The following CD34 variants were observed in gnomAD, a reference collection of about 807,000 sequenced individuals.
CD34 encodes hematopoietic progenitor cell antigen CD34.
In CD34, 34 loss-of-function variants were observed where a neutral mutation model predicts 40.1. The ratio of observed to expected loss-of-function variants is 0.85; its 90% CI spans 0.65 to 1.13. The LOEUF is 1.13. Among genes scored for constraint, CD34 ranks in the 50% most tolerant of loss-of-function variants. CD34 has a pLI of 0.00. For missense variants in CD34, 426 were observed against 466.9 expected (o/e 0.91, Z 0.81); for synonymous variants, 209 against 190.0 (o/e 1.10, Z -0.82).
intron 4 of CD34, chr1:207,889,871 T>C: frequency 6.4e-7 from 1 of 1,554,794 alleles, no homozygotes; most frequent in Non-Finnish European, 8.6e-7. Context: ...GAGAACAAAC[T>C]TAAAAAAATT....
chr1:207,894,618 T>C (rs776135090), intron 4 of CD34, among the ~76,000 whole-genome samples: 1 of 152,162 alleles, frequency 6.6e-6, no homozygotes, highest in Non-Finnish European at 1.5e-5. Flanking sequence ...TAAAGTAATC[T>C]TACATTTTGG....
At chr1:207,903,338 A>G (rs1662315539) in intron 1 of CD34, among the ~76,000 whole-genome samples, 1 of 152,178 alleles carries the variant, frequency 6.6e-6, no homozygotes, top group Admixed American at 6.5e-5. Context: ...GCAGGAGCCT[A>G]CCAGTCAGTG....
rs1387474133 is a variant in CD34 at position 207,884,978 on chromosome 1, G to A, written c.*2760C>T. On this transcript the variant is annotated 3_prime_UTR_variant, in exon 8 of 8. Coordinates refer to ENST00000310833, the MANE Select transcript of CD34 (RefSeq NM_001025109.2). ...CGGCAGAAGAGTAGGATGATATGAT[G>A]GAAGGGAAAACTACAGATTCAGGAC... 7 of 152,192 alleles carry A rather than the reference G, an allele frequency of 4.6e-5. No individual in the cohort carries two copies. Among genetic ancestry groups the A allele is most frequent in the African/African-American group, 1.4e-4 (6 of 41,440 alleles). The allele number at this position is 152,192 out of a possible 1,614,324, so 9.4% of individuals were successfully genotyped here.
chr1:207,905,215 A>C (rs1932817), intron 1 of CD34, among the ~76,000 whole-genome samples: 18,540 of 152,226 alleles, frequency 0.12, 1,194 homozygotes, highest in Admixed American at 0.18. Context: ...GGCTGGCTGC[A>C]ACCACTGCCT....
intron 5 of CD34, 37 bp from the exon 6 acceptor site, chr1:207,889,250 A>C (rs1302678198): frequency 6.2e-7 from 1 of 1,613,910 alleles, no homozygotes; most frequent in African/African-American, 1.3e-5. Flanking sequence ...ATCTAAAGAG[A>C]AACCAGCTTA....
Position 207,887,766 on chromosome 1 carries a change from T to A in CD34, c.1130A>T (p.Gln377Leu). Residue 377 changes from glutamine to leucine, a missense_variant, in exon 8 of 8, where the codon CAA (glutamine) becomes CTA (leucine). Physicochemically the swap from Gln to Leu is moderately radical, Grantham distance 113. Transcript: ENST00000310833. ...ATSRNGHSAR[Q>L]HVVADTEL The stretch of plus-strand genomic sequence containing the variant: ...CAATTCGGTATCAGCCACCACGTGT[T>A]GTCTTGCTGAATGGCCGTTTCTGGA... The A allele has an allele frequency of 6.2e-7, 1 of 1,614,104 alleles. No homozygotes were observed. The highest frequency in any genetic ancestry group is 2.2e-5 in the East Asian group (1 of 44,880).
intron 4 of CD34, among the ~76,000 whole-genome samples, chr1:207,891,076 T>C (rs1662023048): frequency 6.6e-6 from 1 of 151,768 alleles, no homozygotes; most frequent in African/African-American, 2.4e-5. Context: ...GTTTCTTGCC[T>C]GGATGACTCT....
At chr1:207,906,214 G>A (rs1482269663) in intron 1 of CD34, among the ~76,000 whole-genome samples, 1 of 152,128 alleles carries the variant, frequency 6.6e-6, no homozygotes, top group Non-Finnish European at 1.5e-5. Context: ...CCAAAGAATA[G>A]AATTAGAACT....
chr1:207,899,855 A>G lies in CD34; in HGVS notation c.228T>C (p.Ser76=). The change falls in exon 2 of 8, where the codon TCT becomes TCC. Residue 76 remains serine, a synonymous_variant. Coordinates refer to ENST00000310833, the MANE Select transcript of CD34 (RefSeq NM_001025109.2). ...TTGTTGTGGCCTCATTGCCATGTTGAGACACAGGGTGCAGGCTGGTACTTC... is the reference window on the plus strand; with the variant it reads ...TTGTTGTGGCCTCATTGCCATGTTGGGACACAGGGTGCAGGCTGGTACTTC... ...TLGSTSLHPV[S]QHGNEATTNI... is the part of the protein sequence containing the mutation. 2 of 1,612,928 alleles carry G rather than the reference A, an allele frequency of 1.2e-6. No individual in the cohort carries two copies. Among genetic ancestry groups the G allele is most frequent in the East Asian group, 2.2e-5 (1 of 44,842 alleles).
At chr1:207,896,755 GA>G (rs1470608417) in intron 4 of CD34, among the ~76,000 whole-genome samples, 2 of 150,864 alleles carry the variant, frequency 1.3e-5, no homozygotes, top group Non-Finnish European at 3.0e-5. Flanking sequence ...TTTTCAAAAA[GA>G]AAAAAATAAT....
intron 4 of CD34, among the ~76,000 whole-genome samples, chr1:207,896,086 A>T (rs1662144966): frequency 6.6e-6 from 1 of 152,214 alleles, no homozygotes; most frequent in Non-Finnish European, 1.5e-5. Flanking sequence ...ATCGTAGTAA[A>T]ACTACCGAGT....
chr1:207,892,560 T>A (rs1274410183), intron 4 of CD34, among the ~76,000 whole-genome samples: 2 of 151,072 alleles, frequency 1.3e-5, no homozygotes, highest in African/African-American at 4.9e-5. Context: ...CACTCCGGCC[T>A]GGGCAACAGA....
rs1661839720 is a variant in CD34 at position 207,883,317 on chromosome 1, T to A, written c.*4421A>T. The A allele has an allele frequency of 6.6e-6, 1 of 152,242 alleles. No individual in the cohort carries two copies. Among genetic ancestry groups the A allele is most frequent in the African/African-American group, 2.4e-5 (1 of 41,454 alleles). 9.4% of individuals were successfully genotyped at this position (152,242 alleles called of 1,614,324 possible). On this transcript the variant is annotated 3_prime_UTR_variant, in exon 8 of 8. Transcript: ENST00000310833. The stretch of plus-strand genomic sequence containing the variant: ...ATTACTATCATCAAAATCGTATTCA[T>A]TTTTACAGGACCCACTCAGAAACCA...
At position 207,889,629 on chromosome 1, in the gene CD34, G is replaced by A. The variant is rs1661987692; in HGVS notation, c.598-8C>T. On this transcript the variant is annotated splice_polypyrimidine_tract_variant and splice_region_variant and intron_variant, in intron 4 of 7. Transcript: ENST00000310833. Reference sequence around the variant, plus strand: ...GTCCTTCTTAAACTCCGCCTGGGAAGACAGAGAAACATGGAGAGCAAGAGA... The same window carrying A: ...GTCCTTCTTAAACTCCGCCTGGGAAAACAGAGAAACATGGAGAGCAAGAGA... 6.2e-7 allele frequency: 1 copy of A among 1,611,804 alleles called. No homozygotes were observed. The highest frequency in any genetic ancestry group is 1.1e-5 in the South Asian group (1 of 90,782).
In CD34 at chr1:207,897,560, C is replaced by A; in HGVS notation, c.530G>T (p.Cys177Phe). The change falls in exon 4 of 8, where the codon TGT becomes TTT. Residue 177 changes from cysteine (C) to phenylalanine (F), a missense_variant. Coordinates refer to ENST00000310833, the MANE Select transcript of CD34 (RefSeq NM_001025109.2). ...ILSDIKAEIK[C>F]SGIREVKLTQ... Reference sequence around the variant, plus strand: ...CAATTTCACTTCTCTGATGCCTGAACATTTGATTTCTGCCTGTATTAAAAC... The same window carrying A: ...CAATTTCACTTCTCTGATGCCTGAAAATTTGATTTCTGCCTGTATTAAAAC... 6.4e-7 allele frequency: 1 copy of A among 1,554,718 alleles called. No homozygotes were observed. Among genetic ancestry groups the A allele is most frequent in the Non-Finnish European group, 8.7e-7 (1 of 1,147,762 alleles).
chr1:207,897,526 G>T lies in CD34; in HGVS notation c.564C>A (p.Gly188=). 6.4e-7 allele frequency: 1 copy of T among 1,559,782 alleles called. No homozygotes were observed. The highest frequency in any genetic ancestry group is 8.7e-7 in the Non-Finnish European group (1 of 1,150,134). Residue 188 remains glycine (G), a synonymous_variant, in exon 4 of 8, where the codon GGC becomes GGA. Transcript: ENST00000310833. The part of the protein sequence containing the change: ...SGIREVKLTQ[G]ICLEQNKTSS... ...AGGTCTTATTTTGCTCCAGGCAGAT[G>T]CCCTGAGTCAATTTCACTTCTCTGA... is the stretch of plus-strand genomic sequence containing the variant.
intron 6 of CD34, 85 bp downstream of exon 6, chr1:207,889,076 G>A: frequency 1.0e-6 from 1 of 955,636 alleles, no homozygotes; most frequent in Non-Finnish European, 1.7e-6. Context: ...GGTAGAACTG[G>A]GGAAGATAAT....
chr1:207,907,914 T>C (rs1313826569), intron 1 of CD34, among the ~76,000 whole-genome samples: 1 of 152,154 alleles, frequency 6.6e-6, no homozygotes, highest in African/African-American at 2.4e-5. Context: ...TTTCCATACC[T>C]TCTTATTTTT....
chr1:207,906,703 G>T (rs1008961279), intron 1 of CD34, among the ~76,000 whole-genome samples: 20 of 152,060 alleles, frequency 1.3e-4, no homozygotes, highest in Admixed American at 1.3e-3. Flanking sequence ...AATTAGCTGG[G>T]CATGGTGGCG....
Sources: gnomAD v4.1 joint callset for allele counts (sites outside exome capture counted in the v4.1 genomes callset) on GRCh38, gnomAD v4.1.1 for gene constraint, MANE v1.5 for transcripts, NCBI Gene and HGNC (gene_info 2026-07-23, HGNC 2026-07-21) for gene names.